SLC2A4: variants seen among roughly 807,000 people sequenced by gnomAD.
The protein encoded by SLC2A4 is solute carrier family 2, facilitated glucose transporter member 4.
In SLC2A4, 31 loss-of-function variants were observed where a neutral mutation model predicts 53.3. That is an observed-to-expected ratio of 0.58 (90% CI 0.44 to 0.78). The LOEUF (loss-of-function observed/expected upper bound fraction) is 0.78, where lower values mean the gene tolerates loss of function less well. Ranked by LOEUF, SLC2A4 falls within the 30% of genes least tolerant of loss-of-function variation. The pLI, the probability that SLC2A4 is intolerant of heterozygous loss-of-function variation, is 0.00. For synonymous variants in SLC2A4, 276 were observed against 281.9 expected, an observed-to-expected ratio of 0.98 and a Z score of 0.21; for missense variants, 538 against 655.7, an observed-to-expected ratio of 0.82 and a Z score of 1.96.
chr17:7,284,981 C>T lies in SLC2A4; in HGVS notation c.1020+42C>T, dbSNP rs749413496. ...GGAATGGCCCGAGCCACTGGCTTCA[C>T]CTCCCTGGGTGTCCCGGAGGTCCTG... is the stretch of plus-strand genomic sequence containing the variant. On this transcript the variant is annotated intron_variant, in intron 8 of 10. Transcript: ENST00000317370. This position sits in a 1 kb window ranked among gnomAD's most constrained non-coding sequence, Gnocchi z 7.5. The T allele has an allele frequency of 8.7e-6, 14 of 1,614,102 alleles. No individual in the cohort carries two copies. The highest frequency in any genetic ancestry group is 2.7e-5 in the African/African-American group (2 of 74,950).
In SLC2A4 at chr17:7,283,086, G is replaced by C. The variant is rs756760817; in HGVS notation, c.34-159G>C. On this transcript the variant is annotated intron_variant, in intron 1 of 10. Coordinates refer to ENST00000317370, the MANE Select transcript of SLC2A4 (RefSeq NM_001042.3). This position sits in a 1 kb window ranked among gnomAD's most constrained non-coding sequence, Gnocchi z 5.8. ...TTGCAGTTCAGCTCCTGTTTACATT[G>C]AGATCTTTGTGCAATTCCTAATATG... The C allele has an allele frequency of 2.4e-5, 18 of 757,960 alleles. No individual in the cohort carries two copies. The highest frequency in any genetic ancestry group is 3.9e-5 in the Non-Finnish European group (16 of 411,336). The allele number at this position is 757,960 out of a possible 1,614,324, so 47.0% of individuals were successfully genotyped here.
At position 7,286,736 on chromosome 17, in the gene SLC2A4, A is replaced by C. The variant is rs1244727028; in HGVS notation, c.*107A>C. 1 of 1,065,146 alleles carries C rather than the reference A, an allele frequency of 9.4e-7. No homozygotes were observed. The highest frequency in any genetic ancestry group is 2.4e-5 in the East Asian group (1 of 42,182). The allele number at this position is 1,065,146 out of a possible 1,614,324, so 66.0% of individuals were successfully genotyped here. ...CTCTTCCCTATTATTTCCGGGTGGA[A>C]AAGAATCCCTGCAGCCTGGTAGAAT... On this transcript the variant is annotated 3_prime_UTR_variant, in exon 11 of 11. Transcript: ENST00000317370.
Position 7,287,021 on chromosome 17 carries a change from A to G in SLC2A4, c.*392A>G. Reference sequence around the variant, plus strand: ...GACAAACCAGAGCAGAGAGCAGGACAGGAGACAAGAAATCCAGTTTCCCAC... The same window carrying G: ...GACAAACCAGAGCAGAGAGCAGGACGGGAGACAAGAAATCCAGTTTCCCAC... On this transcript the variant is annotated 3_prime_UTR_variant, in exon 11 of 11. Transcript: ENST00000317370. 4.0e-6 allele frequency: 1 copy of G among 248,232 alleles called. No homozygotes were observed. Among genetic ancestry groups the G allele is most frequent in the East Asian group, 9.6e-5 (1 of 10,428 alleles). 15.4% of individuals were successfully genotyped at this position (248,232 alleles called of 1,614,324 possible).
In SLC2A4 at chr17:7,281,772, G is replaced by T; in HGVS notation, c.-163G>T. 1.4e-6 allele frequency: 1 copy of T among 728,348 alleles called. No individual in the cohort carries two copies. The highest frequency in any genetic ancestry group is 1.5e-5 in the South Asian group (1 of 65,380). The allele number at this position is 728,348 out of a possible 1,614,324, so 45.1% of individuals were successfully genotyped here. A position where few individuals can be genotyped will look rare whatever the true frequency, so the allele number is the denominator to read the frequency against. ...TCCGCGGGAGCCCCACTGCTCTCCG[G>T]GTCCTTGGCTTGTGGCTGTGGGTCC... On this transcript the variant is annotated 5_prime_UTR_variant, in exon 1 of 11. Coordinates refer to ENST00000317370, the MANE Select transcript of SLC2A4 (RefSeq NM_001042.3).
rs762778633 is a variant in SLC2A4 at position 7,285,046 on chromosome 17, C to G, written c.1021-42C>G. ...CACCCACGCGGCCCCTCCTACTTCC[C>G]GTGCCCAAAAGGCTGGGGTCAAGCT... On this transcript the variant is annotated intron_variant, in intron 8 of 10. Transcript: ENST00000317370. The surrounding 1 kb of genome is among the most constrained non-coding windows in gnomAD (Gnocchi z 6.0). 1 of 1,610,736 alleles carries G rather than the reference C, an allele frequency of 6.2e-7. No individual in the cohort carries two copies.
rs2072465237 is a variant in SLC2A4 at position 7,287,809 on chromosome 17, T to C, written c.*1180T>C. On this transcript the variant is annotated 3_prime_UTR_variant, in exon 11 of 11. Coordinates refer to ENST00000317370, the MANE Select transcript of SLC2A4 (RefSeq NM_001042.3). Reference sequence around the variant, plus strand: ...TACTAAATGTATATATATAGATACTTCTATAAAGTCACTGCTGAAGACAAG... The same window carrying C: ...TACTAAATGTATATATATAGATACTCCTATAAAGTCACTGCTGAAGACAAG... The C allele has an allele frequency of 6.6e-6, 1 of 152,182 alleles. No homozygotes were observed. Among genetic ancestry groups the C allele is most frequent in the Admixed American group, 6.5e-5 (1 of 15,276 alleles). The allele number at this position is 152,182 out of a possible 1,614,324, so 9.4% of individuals were successfully genotyped here.
Position 7,284,987 on chromosome 17 carries a change from TG to T in SLC2A4, c.1020+51del. 1 of 1,614,200 alleles carries T rather than the reference TG, an allele frequency of 6.2e-7. No homozygotes were observed. The highest frequency in any genetic ancestry group is 8.5e-7 in the Non-Finnish European group (1 of 1,180,028). Reference sequence around the variant, plus strand: ...GCCCGAGCCACTGGCTTCACCTCCCTGGGTGTCCCGGAGGTCCTGCTCTTGG... The same window carrying T: ...GCCCGAGCCACTGGCTTCACCTCCCTGGTGTCCCGGAGGTCCTGCTCTTGG... On this transcript the variant is annotated intron_variant, in intron 8 of 10. Coordinates refer to ENST00000317370, the MANE Select transcript of SLC2A4 (RefSeq NM_001042.3). This position sits in a 1 kb window ranked among gnomAD's most constrained non-coding sequence, Gnocchi z 7.5.
At position 7,282,030 on chromosome 17, in the gene SLC2A4, T is replaced by A; in HGVS notation, c.33+63T>A. ...GGGTCCCGCTTTTCTTGGGCTGGGGTCGCGGTTGGGGTCAGCTGGGGGTGG... is the reference window on the plus strand; with the variant it reads ...GGGTCCCGCTTTTCTTGGGCTGGGGACGCGGTTGGGGTCAGCTGGGGGTGG... On this transcript the variant is annotated intron_variant, in intron 1 of 10. Coordinates refer to ENST00000317370, the MANE Select transcript of SLC2A4 (RefSeq NM_001042.3). This position sits in a 1 kb window ranked among gnomAD's most constrained non-coding sequence, Gnocchi z 4.1. The A allele has an allele frequency of 7.0e-7, 1 of 1,420,662 alleles. No homozygotes were observed. The highest frequency in any genetic ancestry group is 9.8e-7 in the Non-Finnish European group (1 of 1,023,094). The allele number at this position is 1,420,662 out of a possible 1,614,324, so 88.0% of individuals were successfully genotyped here. A position where few individuals can be genotyped will look rare whatever the true frequency, so the allele number is the denominator to read the frequency against.
Position 7,283,551 on chromosome 17 carries a change from C to T in SLC2A4, c.229C>T (p.Leu77Phe), listed in dbSNP as rs746297235. ...EGPSSIPPGT[L>F]TTLWALSVAI... ...ACCCAGCTCCATCCCTCCAGGCACC[C>T]TCACCACCCTCTGGGCCCTCTCCGT... Residue 77 changes from leucine to phenylalanine, a missense_variant, in exon 3 of 11, where the codon CTC (leucine) becomes TTC (phenylalanine). Coordinates refer to ENST00000317370, the MANE Select transcript of SLC2A4 (RefSeq NM_001042.3). The surrounding 1 kb of genome is among the most constrained non-coding windows in gnomAD (Gnocchi z 5.8). 6 of 1,613,916 alleles carry T rather than the reference C, an allele frequency of 3.7e-6. No homozygotes were observed. Among genetic ancestry groups the T allele is most frequent in the Non-Finnish European group, 2.5e-6 (3 of 1,179,966 alleles).
At position 7,283,517 on chromosome 17, in the gene SLC2A4, G is replaced by C; in HGVS notation, c.195G>C (p.Gly65=). ...SYNETWLGRQ[G]PEGPSSIPPG... is the part of the protein sequence containing the mutation. ...ATGAGACGTGGCTGGGGAGGCAGGG[G>C]CCTGAGGGACCCAGCTCCATCCCTC... Residue 65 remains glycine, a synonymous_variant, in exon 3 of 11, where the codon GGG becomes GGC. Coordinates refer to ENST00000317370, the MANE Select transcript of SLC2A4 (RefSeq NM_001042.3). The surrounding 1 kb of genome is among the most constrained non-coding windows in gnomAD (Gnocchi z 5.8). 1 of 1,613,950 alleles carries C rather than the reference G, an allele frequency of 6.2e-7. No individual in the cohort carries two copies. Among genetic ancestry groups the C allele is most frequent in the African/African-American group, 1.3e-5 (1 of 75,006 alleles).
In SLC2A4 at chr17:7,287,413, C is replaced by G. The variant is rs534053868; in HGVS notation, c.*784C>G. ...TGCTGGGATTACAGGCGTGAGCCAC[C>G]GCGCCTGGCGAAGGGAGTTCTCTCT... is the stretch of plus-strand genomic sequence containing the variant. On this transcript the variant is annotated 3_prime_UTR_variant, in exon 11 of 11. Coordinates refer to ENST00000317370, the MANE Select transcript of SLC2A4 (RefSeq NM_001042.3). The G allele has an allele frequency of 6.6e-6, 1 of 152,508 alleles. No individual in the cohort carries two copies. The highest frequency in any genetic ancestry group is 2.1e-4 in the South Asian group (1 of 4,830). 9.4% of individuals were successfully genotyped at this position (152,508 alleles called of 1,614,324 possible).
chr17:7,283,490 CAAT>C lies in SLC2A4; in HGVS notation c.169_171del (p.Asn57del). 6.2e-7 allele frequency: 1 copy of C among 1,613,884 alleles called. No individual in the cohort carries two copies. Among genetic ancestry groups the C allele is most frequent in the Non-Finnish European group, 8.5e-7 (1 of 1,179,948 alleles). ...TCCCCCAGGTGATTGAACAGAGCTA[CAAT>C]GAGACGTGGCTGGGGAGGCAGGGGC... On this transcript the variant is annotated inframe_deletion, in exon 3 of 11. Transcript: ENST00000317370. This position sits in a 1 kb window ranked among gnomAD's most constrained non-coding sequence, Gnocchi z 5.8.
rs755074748 is a variant in SLC2A4 at position 7,283,271 on chromosome 17, G to C, written c.60G>C (p.Val20=). ...ATGGGGAACCCCCTCAGCAGCGAGTGACTGGGACCCTGGTCCTTGCTGTGT... is the reference window on the plus strand; with the variant it reads ...ATGGGGAACCCCCTCAGCAGCGAGTCACTGGGACCCTGGTCCTTGCTGTGT... ...SEDGEPPQQR[V]TGTLVLAVFS... is the part of the protein sequence containing the mutation. Residue 20 remains valine, a synonymous_variant, in exon 2 of 11, where the codon GTG becomes GTC. Transcript: ENST00000317370. The surrounding 1 kb of genome is among the most constrained non-coding windows in gnomAD (Gnocchi z 5.8). 1.2e-6 allele frequency: 2 copies of C among 1,614,146 alleles called. No homozygotes were observed. Among genetic ancestry groups the C allele is most frequent in the Non-Finnish European group, 1.7e-6 (2 of 1,180,010 alleles).
rs544994023 is a variant in SLC2A4, at chr17:7,286,158, C to G, written c.1326+250C>G. ...TCCAAGAATAAAATGATACACTTTG[C>G]ATTAATACTACAAACAGCTGGGACT... On this transcript the variant is annotated intron_variant, in intron 10 of 10. Coordinates refer to ENST00000317370, the MANE Select transcript of SLC2A4 (RefSeq NM_001042.3). The G allele has an allele frequency of 1.9e-5, 12 of 618,076 alleles. No homozygotes were observed. In the East Asian group the frequency reaches 3.0e-4, roughly 15 times the overall value. The allele number at this position is 618,076 out of a possible 1,614,324, so 38.3% of individuals were successfully genotyped here.
At position 7,282,351 on chromosome 17, in the gene SLC2A4, AGGACC is replaced by A. The variant is rs1465792935; in HGVS notation, c.33+388_33+392del. On this transcript the variant is annotated intron_variant, in intron 1 of 10. Transcript: ENST00000317370. The surrounding 1 kb of genome is among the most constrained non-coding windows in gnomAD (Gnocchi z 4.1). ...GTCTTCGCTCACGGGCAGTGTTTCG[AGGACC>A]GGAGGCTCTCCGTGGGCCCCCACCC... The A allele has an allele frequency of 1.3e-5, 6 of 474,548 alleles. No individual in the cohort carries two copies. The highest frequency in any genetic ancestry group is 1.2e-4 in the African/African-American group (6 of 50,812). 29.4% of individuals were successfully genotyped at this position (474,548 alleles called of 1,614,324 possible).
rs1264366205 is a variant in SLC2A4 at position 7,286,788 on chromosome 17, A to C, written c.*159A>C. 1.4e-6 allele frequency: 1 copy of C among 704,170 alleles called. No individual in the cohort carries two copies. The highest frequency in any genetic ancestry group is 2.2e-5 in the Admixed American group (1 of 44,816). The allele number at this position is 704,170 out of a possible 1,614,324, so 43.6% of individuals were successfully genotyped here. On this transcript the variant is annotated 3_prime_UTR_variant, in exon 11 of 11. Coordinates refer to ENST00000317370, the MANE Select transcript of SLC2A4 (RefSeq NM_001042.3). ...GGGAAGCTGGGGGAAGGGTGGTCTG[A>C]GCACCCCCTCATTCCCCTCGTGTGA...
Position 7,283,161 on chromosome 17 carries a change from C to T in SLC2A4, c.34-84C>T. 9.3e-7 allele frequency: 1 copy of T among 1,075,424 alleles called. No individual in the cohort carries two copies. Among genetic ancestry groups the T allele is most frequent in the East Asian group, 2.4e-5 (1 of 42,424 alleles). The allele number at this position is 1,075,424 out of a possible 1,614,324, so 66.6% of individuals were successfully genotyped here. On this transcript the variant is annotated intron_variant, in intron 1 of 10. Transcript: ENST00000317370. The surrounding 1 kb of genome is among the most constrained non-coding windows in gnomAD (Gnocchi z 5.8). ...TTGGGTGGAGCCCAGTATCTTCAGG[C>T]TCCAGCTGGGCCCGGGCCCCTAGCG...
At position 7,283,427 on chromosome 17, in the gene SLC2A4, G is replaced by A. The variant is rs376727989; in HGVS notation, c.151-46G>A. ...GGAGGACAGGTGTCTCGGGGGTGGT[G>A]GAAAGGGGACGGTCTGCAGGAAATC... On this transcript the variant is annotated intron_variant, in intron 2 of 10. Coordinates refer to ENST00000317370, the MANE Select transcript of SLC2A4 (RefSeq NM_001042.3). The surrounding 1 kb of genome is among the most constrained non-coding windows in gnomAD (Gnocchi z 5.8). 1.1e-5 allele frequency: 17 copies of A among 1,612,652 alleles called. No homozygotes were observed. The highest frequency in any genetic ancestry group is 6.6e-5 in the South Asian group (6 of 91,036).
chr17:7,281,932 G>T lies in SLC2A4; in HGVS notation c.-3G>T, dbSNP rs1397551922. On this transcript the variant is annotated 5_prime_UTR_variant, in exon 1 of 11. Coordinates refer to ENST00000317370, the MANE Select transcript of SLC2A4 (RefSeq NM_001042.3). ...CCTGCGCGTCCAGCTCTTCTAAGACGAGATGCCGTCGGGCTTCCAACAGAT... is the reference window on the plus strand; with the variant it reads ...CCTGCGCGTCCAGCTCTTCTAAGACTAGATGCCGTCGGGCTTCCAACAGAT... The T allele has an allele frequency of 1.9e-6, 3 of 1,586,178 alleles. No individual in the cohort carries two copies. The African/African-American group carries it at 4.0e-5, about 21-fold the overall frequency.
Sources: allele counts gnomAD v4.1 joint callset, GRCh38; gene constraint gnomAD v4.1.1; non-coding constraint Gnocchi (gnomAD v3.1); transcripts MANE v1.5; gene names NCBI Gene and HGNC (gene_info 2026-07-23, HGNC 2026-07-21).